Variants in CRYZL1 observed in about 807,000 individuals in gnomAD.
CRYZL1 encodes ferry endosomal RAB5 effector complex subunit 4.
A neutral mutation model predicts 50.6 loss-of-function variants in CRYZL1; 34 were observed. The observed-to-expected ratio is 0.67, with a 90% CI of 0.51 to 0.89. The LOEUF (loss-of-function observed/expected upper bound fraction) is 0.89, where lower values mean the gene tolerates loss of function less well. Among genes scored for constraint, CRYZL1 ranks in the 40% least tolerant of loss-of-function variants. The pLI is 0.00. For synonymous variants in CRYZL1, 125 were observed against 134.3 expected, an observed-to-expected ratio of 0.93 and a Z score of 0.48; for missense variants, 354 against 402.3, an observed-to-expected ratio of 0.88 and a Z score of 1.03.
intron 10 of CRYZL1, chr21:33,596,268 G>C (rs577542931): frequency 3.9e-5 from 16 of 409,732 alleles, no homozygotes; most frequent in South Asian, 2.9e-4. Context: ...TTAGGAAATT[G>C]TGATAATTTT....
intron 6 of CRYZL1, among the ~76,000 whole-genome samples, chr21:33,610,465 T>G (rs1483077228): frequency 6.6e-6 from 1 of 152,170 alleles, no homozygotes; most frequent in Non-Finnish European, 1.5e-5. Context: ...GTACTTCTTT[T>G]AAAGAAACAT....
intron 8 of CRYZL1, among the ~76,000 whole-genome samples, chr21:33,600,400 T>A (rs1434632538): frequency 1.3e-5 from 2 of 151,976 alleles, no homozygotes; most frequent in African/African-American, 4.8e-5. Flanking sequence ...AACTGGCAAA[T>A]AACAACATGT....
Position 33,591,210 on chromosome 21 carries a change from A to G in CRYZL1, c.905-3T>C, listed in dbSNP as rs1459123001. ...CTCCATCACATCCTTTAAGATACGT[A>G]GCTGGAAGGATTGTTAAGGTGGCAA... is the stretch of plus-strand genomic sequence containing the variant. On this transcript the variant is annotated splice_polypyrimidine_tract_variant and splice_region_variant and intron_variant, in intron 11 of 12. Transcript: ENST00000381554. 2 of 1,609,144 alleles carry G rather than the reference A, an allele frequency of 1.2e-6. No homozygotes were observed. Among genetic ancestry groups the G allele is most frequent in the African/African-American group, 1.3e-5 (1 of 74,958 alleles).
At chr21:33,615,679 A>G (rs1396041592) in intron 5 of CRYZL1, among the ~76,000 whole-genome samples, 1 of 152,156 alleles carries the variant, frequency 6.6e-6, no homozygotes, top group East Asian at 1.9e-4. Context: ...AAAACAATAA[A>G]AGTTTTAAGT....
At chr21:33,605,771 A>T (rs1193432183) in intron 6 of CRYZL1, among the ~76,000 whole-genome samples, 1 of 151,640 alleles carries the variant, frequency 6.6e-6, no homozygotes, top group Non-Finnish European at 1.5e-5. Context: ...TGATCTGCCT[A>T]CCTTGGCCTC....
chr21:33,611,599 G>T (rs1306713404), intron 6 of CRYZL1, among the ~76,000 whole-genome samples: 2 of 152,162 alleles, frequency 1.3e-5, no homozygotes, highest in African/African-American at 4.8e-5. Context: ...TCTGATTAGA[G>T]ATCACATTAT....
At chr21:33,593,079 A>G (rs2086659478) in intron 11 of CRYZL1, among the ~76,000 whole-genome samples, 1 of 151,812 alleles carries the variant, frequency 6.6e-6, no homozygotes, top group African/African-American at 2.4e-5. Flanking sequence ...AAGAAAGAAA[A>G]TGCAAATTAG....
chr21:33,640,067 C>A, intron 1 of CRYZL1: 1 of 1,392,166 alleles, frequency 7.2e-7, no homozygotes. Flanking sequence ...CTCAAGTGAT[C>A]CACCCGCCTA....
chr21:33,633,200 A>G (rs1229233055), intron 1 of CRYZL1, among the ~76,000 whole-genome samples: 1 of 152,180 alleles, frequency 6.6e-6, no homozygotes, highest in Non-Finnish European at 1.5e-5. Flanking sequence ...ACATTCTTGT[A>G]TATACTTTTT....
chr21:33,619,562 CTTTTTCTTT>C (rs1021354240), intron 4 of CRYZL1, among the ~76,000 whole-genome samples: 1 of 151,316 alleles, frequency 6.6e-6, no homozygotes, highest in Non-Finnish European at 1.5e-5. Context: ...ATTTTTTTTT[CTTTTTCTTT>C]TTTTTCTTTT....
At chr21:33,604,355 C>CCA (rs1427367685) in intron 6 of CRYZL1, among the ~76,000 whole-genome samples, 3 of 69,622 alleles carry the variant, frequency 4.3e-5, no homozygotes, top group African/African-American at 1.3e-4. Context: ...GACTCCGTCT[C>CCA]AAAAAAAAAA....
At chr21:33,591,622 G>A (rs2086643494) in intron 11 of CRYZL1, 1 of 195,610 alleles carries the variant, frequency 5.1e-6, no homozygotes, top group Non-Finnish European at 1.1e-5. Context: ...GTTGGTTAAT[G>A]GGCTCAAAAT....
At position 33,589,695 on chromosome 21, in the gene CRYZL1, C is replaced by A; in HGVS notation, c.*127G>T. On this transcript the variant is annotated 3_prime_UTR_variant, in exon 13 of 13. Coordinates refer to ENST00000381554, the MANE Select transcript of CRYZL1 (RefSeq NM_145858.3). ...GTGTCAACTGAGCATCTTGTCTTAG[C>A]AGAGAAACGTGCTTAAAAATGCAAC... The A allele has an allele frequency of 1.6e-6, 1 of 644,300 alleles. No individual in the cohort carries two copies. Among genetic ancestry groups the A allele is most frequent in the Non-Finnish European group, 2.8e-6 (1 of 356,310 alleles). 39.9% of individuals were successfully genotyped at this position (644,300 alleles called of 1,614,324 possible).
intron 3 of CRYZL1, among the ~76,000 whole-genome samples, chr21:33,623,475 T>G (rs2087025467): frequency 6.6e-6 from 1 of 152,194 alleles, no homozygotes; most frequent in Non-Finnish European, 1.5e-5. Context: ...TTCTTAGACT[T>G]GGATTTTAAT....
chr21:33,627,004 A>C (rs1315671327), intron 2 of CRYZL1, among the ~76,000 whole-genome samples: 1 of 152,196 alleles, frequency 6.6e-6, no homozygotes, highest in Non-Finnish European at 1.5e-5. Context: ...GATAATATGA[A>C]GATGTTCATT....
intron 1 of CRYZL1, among the ~76,000 whole-genome samples, chr21:33,634,792 G>A (rs900019858): frequency 2.0e-5 from 3 of 151,400 alleles, no homozygotes; most frequent in African/African-American, 7.3e-5. Context: ...CAGTCACATG[G>A]ACCTTAGACT....
rs146096008 is a variant in CRYZL1, at chr21:33,605,530, C to CTTTTTTTTTTTTTTTTTT, written c.332-1994_332-1993insAAAAAAAAAAAAAAAAAA. Among the ~76,000 whole-genome samples the CTTTTTTTTTTTTTTTTTT allele has an allele frequency of 5.1e-3, 270 of 53,176 alleles. 119 individuals are homozygous for CTTTTTTTTTTTTTTTTTT. Among genetic ancestry groups the CTTTTTTTTTTTTTTTTTT allele is most frequent in the Non-Finnish European group, 7.1e-3 (222 of 31,368 alleles). The allele number at this position is 53,176 out of a possible 152,430, so 34.9% of individuals were successfully genotyped here. On this transcript the variant is annotated intron_variant, in intron 6 of 12. Transcript: ENST00000381554. The stretch of plus-strand genomic sequence containing the variant: ...GTAATTTTTCCGCAGTACAAGAATT[C>CTTTTTTTTTTTTTTTTTT]TTTTTTTTTTGAGATGGAGTCTCAC...
chr21:33,591,010 C>T, intron 12 of CRYZL1, 152 bp downstream of exon 12: 1 of 658,840 alleles, frequency 1.5e-6, no homozygotes, highest in East Asian at 2.6e-5. Flanking sequence ...CTTTCAATGG[C>T]AAAAACCACA....
intron 2 of CRYZL1, 102 bp downstream of exon 2, chr21:33,631,384 A>G: frequency 2.6e-6 from 2 of 767,560 alleles, no homozygotes; most frequent in Non-Finnish European, 4.0e-6. Context: ...CATTTGAGTA[A>G]TTTTGTTCAT....
Sources: gnomAD v4.1 joint callset for allele counts (sites outside exome capture counted in the v4.1 genomes callset) on GRCh38, gnomAD v4.1.1 for gene constraint, MANE v1.5 for transcripts, NCBI Gene and HGNC (gene_info 2026-07-23, HGNC 2026-07-21) for gene names.